PTCD3: variants seen among roughly 807,000 people sequenced by gnomAD.
The protein encoded by PTCD3 is small ribosomal subunit protein mS39.
A neutral mutation model predicts 101.9 loss-of-function variants in PTCD3; 89 were observed. That is an observed-to-expected ratio of 0.87 (90% confidence interval 0.74 to 1.04). The LOEUF (loss-of-function observed/expected upper bound fraction) is 1.04. Ranked by LOEUF, PTCD3 falls within the 50% of genes least tolerant of loss-of-function variation. PTCD3 has a pLI of 0.00. For synonymous variants in PTCD3, 296 were observed against 278.5 expected (o/e 1.06, Z -0.63); for missense variants, 870 against 828.2 (o/e 1.05, Z -0.62).
rs781044932 is a variant in PTCD3, at chr2:86,106,271, C to T, written c.24C>T (p.Arg8=). Residue 8 remains arginine, a synonymous_variant, in exon 1 of 24, where the codon CGC becomes CGT. Coordinates refer to ENST00000254630, the MANE Select transcript of PTCD3 (RefSeq NM_017952.6). Reference sequence around the variant, plus strand: ...AGATGGCGGTTGTATCTGCTGTTCGCTGGCTGGGCCTCCGCAGCAGGCTTG... The same window carrying T: ...AGATGGCGGTTGTATCTGCTGTTCGTTGGCTGGGCCTCCGCAGCAGGCTTG... MAVVSAV[R]WLGLRSRLGQ... The T allele has an allele frequency of 8.1e-6, 13 of 1,613,958 alleles. No individual in the cohort carries two copies. The highest frequency in any genetic ancestry group is 1.7e-5 in the Admixed American group (1 of 60,028).
chr2:86,116,938 T>G (rs1674187804), intron 5 of PTCD3, 117 bp from the exon 6 acceptor site: 1 of 629,298 alleles, frequency 1.6e-6, no homozygotes, highest in Non-Finnish European at 2.9e-6. Context: ...TAATTGGGAT[T>G]CTGCGTGTTG....
chr2:86,106,829 C>G (rs956355386), intron 1 of PTCD3, among the ~76,000 whole-genome samples: 4 of 152,140 alleles, frequency 2.6e-5, no homozygotes, highest in Admixed American at 2.0e-4. Flanking sequence ...TGACTATGCC[C>G]TTTTGATCTG....
chr2:86,127,548 T>G (rs930087659), intron 13 of PTCD3: 11 of 503,048 alleles, frequency 2.2e-5, no homozygotes, highest in Non-Finnish European at 3.5e-6. Context: ...GAGAAGTGAT[T>G]GCTTTGAGTT....
intron 8 of PTCD3, 99 bp downstream of exon 8, chr2:86,121,693 A>G (rs1003819779): frequency 1.4e-5 from 10 of 714,400 alleles, no homozygotes; most frequent in Non-Finnish European, 2.1e-5. Context: ...GTGTCAGGGT[A>G]GTAGAGATTT....
intron 6 of PTCD3, 79 bp from the exon 7 acceptor site, chr2:86,118,842 A>T (rs1334646210): frequency 1.4e-6 from 2 of 1,474,524 alleles, no homozygotes; most frequent in Non-Finnish European, 1.8e-6. Context: ...TATGTTGGTG[A>T]TAAAAGTTTT....
chr2:86,130,777 CAG>C, intron 15 of PTCD3, 40 bp downstream of exon 15: 1 of 1,606,934 alleles, frequency 6.2e-7, no homozygotes, highest in Non-Finnish European at 8.5e-7. Flanking sequence ...CCTCTAAAGA[CAG>C]AGGGCCGGTT....
intron 6 of PTCD3, among the ~76,000 whole-genome samples, chr2:86,118,139 T>C (rs1323815395): frequency 6.6e-6 from 1 of 152,200 alleles, no homozygotes; most frequent in Non-Finnish European, 1.5e-5. Context: ...CTTTTTATTG[T>C]GTATACTCTT....
rs1255631778 is a variant in PTCD3, at chr2:86,138,087, T to C, written c.*528T>C. ...ATGACTAAACAAGATAATGGCAGTT[T>C]AGGCTGCACAACTGGTAAAATGACT... On this transcript the variant is annotated 3_prime_UTR_variant, in exon 24 of 24. Transcript: ENST00000254630. 1 of 155,826 alleles carries C rather than the reference T, an allele frequency of 6.4e-6. No homozygotes were observed. The highest frequency in any genetic ancestry group is 2.4e-5 in the African/African-American group (1 of 41,524). 9.7% of individuals were successfully genotyped at this position (155,826 alleles called of 1,614,324 possible). A position where few individuals can be genotyped will look rare whatever the true frequency, so the allele number is the denominator to read the frequency against.
intron 23 of PTCD3, 23 bp downstream of exon 23, chr2:86,137,163 AG>A: frequency 6.5e-7 from 1 of 1,547,954 alleles, no homozygotes; most frequent in Non-Finnish European, 8.7e-7. Context: ...CATGAAGCAT[AG>A]TTTGTAAAAT....
In PTCD3 at chr2:86,108,535, TGGTAA is replaced by T. The variant is rs1264171991; in HGVS notation, c.194+1_194+5del. 2 of 1,594,760 alleles carry T rather than the reference TGGTAA, an allele frequency of 1.3e-6. No homozygotes were observed. Among genetic ancestry groups the T allele is most frequent in the African/African-American group, 2.7e-5 (2 of 73,674 alleles). On this transcript the variant is annotated splice_donor_variant and splice_donor_region_variant and coding_sequence_variant and intron_variant, in exon 3 of 24. Transcript: ENST00000254630. LOFTEE classifies it high-confidence loss of function. ...AGTAGTAATTCCAAAAAAGAAAACTTGGTAAGTATTCTATCAGTGTTCATTCAGCA... is the reference window on the plus strand; with the variant it reads ...AGTAGTAATTCCAAAAAAGAAAACTTGTATTCTATCAGTGTTCATTCAGCA...
chr2:86,110,332 T>C (rs1274802538), intron 3 of PTCD3, among the ~76,000 whole-genome samples: 1 of 152,224 alleles, frequency 6.6e-6, no homozygotes, highest in Non-Finnish European at 1.5e-5. Flanking sequence ...TGATGAAATA[T>C]AAAATTTCCT....
intron 16 of PTCD3, 46 bp downstream of exon 16, chr2:86,131,152 A>G: frequency 2.1e-6 from 3 of 1,441,318 alleles, no homozygotes; most frequent in Non-Finnish European, 2.9e-6. Context: ...TCCTAAATTT[A>G]TCTGTAACTG....
chr2:86,129,989 A>T (rs1674467037), intron 14 of PTCD3, among the ~76,000 whole-genome samples: 1 of 152,184 alleles, frequency 6.6e-6, no homozygotes, highest in Non-Finnish European at 1.5e-5. Context: ...TTTAAAGGGA[A>T]CACAAATGAT....
In PTCD3 at chr2:86,133,368, CA is replaced by C; in HGVS notation, c.1477del (p.Met493Ter). ...CAGGCCTACTTTCCCCACTCCCAAACAATGATACATCTTCTCCAAGCATTGG... is the reference window on the plus strand; with the variant it reads ...CAGGCCTACTTTCCCCACTCCCAAACATGATACATCTTCTCCAAGCATTGG... Reference protein sequence around the residue: ...IPSAYFPHSQTMIHLLQALDV... With the variant: ...IPSAYFPHSQXMIHLLQALDV... On this transcript the variant is annotated frameshift_variant, in exon 19 of 24. Coordinates refer to ENST00000254630, the MANE Select transcript of PTCD3 (RefSeq NM_017952.6). LOFTEE classifies it high-confidence loss of function. 1 of 1,614,136 alleles carries C rather than the reference CA, an allele frequency of 6.2e-7. No individual in the cohort carries two copies. Among genetic ancestry groups the C allele is most frequent in the Non-Finnish European group, 8.5e-7 (1 of 1,179,986 alleles).
intron 6 of PTCD3, 28 bp from the exon 7 acceptor site, chr2:86,118,893 A>T: frequency 5.0e-6 from 8 of 1,603,286 alleles, no homozygotes; most frequent in African/African-American, 1.3e-5. Context: ...ACCTGTTTGT[A>T]GTAACTTTAG....
chr2:86,135,709 TC>T (rs1206196565), intron 21 of PTCD3, among the ~76,000 whole-genome samples: 3 of 152,194 alleles, frequency 2.0e-5, no homozygotes, highest in African/African-American at 7.2e-5. Context: ...TATTTGAACA[TC>T]TGATTGCTAG....
intron 3 of PTCD3, among the ~76,000 whole-genome samples, chr2:86,110,708 A>G (rs1469893082): frequency 6.6e-6 from 1 of 152,244 alleles, no homozygotes; most frequent in Non-Finnish European, 1.5e-5. Context: ...CAATAGGTCC[A>G]GAGTGAAGCC....
chr2:86,133,488 C>A (rs781150955), intron 19 of PTCD3, 52 bp downstream of exon 19: 3 of 1,463,638 alleles, frequency 2.0e-6, no homozygotes, highest in Non-Finnish European at 2.9e-6. Flanking sequence ...ATATCCTCTA[C>A]TTTGATAATG....
At chr2:86,135,371 C>G (rs1338179958) in intron 21 of PTCD3, among the ~76,000 whole-genome samples, 2 of 152,186 alleles carry the variant, frequency 1.3e-5, no homozygotes, top group African/African-American at 2.4e-5. Context: ...ATCCCACTCT[C>G]CAGCTTAAAA....
Sources: allele counts gnomAD v4.1 joint callset (sites outside exome capture counted in the v4.1 genomes callset), GRCh38; gene constraint gnomAD v4.1.1; transcripts MANE v1.5; gene names NCBI Gene and HGNC (gene_info 2026-07-23, HGNC 2026-07-21).